EFHD1: variants seen among roughly 807,000 people sequenced by gnomAD.
EFHD1 encodes EF-hand domain family member D1.
In EFHD1, 10 loss-of-function variants were observed where a neutral mutation model predicts 17.2. The ratio of observed to expected loss-of-function variants is 0.58; its 90% CI spans 0.36 to 0.99. The LOEUF is 0.99. EFHD1 is among the 50% of genes least tolerant of loss of function. EFHD1 has a pLI of 0.01. For missense variants in EFHD1, 310 were observed against 327.5 expected (o/e 0.95, Z 0.41); for synonymous variants, 153 against 142.0 (o/e 1.08, Z -0.55).
chr2:232,662,745 T>C lies in EFHD1; in HGVS notation c.303-57T>C, dbSNP rs903385698. Reference sequence around the variant, plus strand: ...TGAATGAAGCCAAAGGAATTACATGTTTCGGAGACTAACGAGTGTCCTTTC... The same window carrying C: ...TGAATGAAGCCAAAGGAATTACATGCTTCGGAGACTAACGAGTGTCCTTTC... On this transcript the variant is annotated intron_variant, in intron 1 of 3. Coordinates refer to ENST00000264059, the MANE Select transcript of EFHD1 (RefSeq NM_025202.4). 6.9e-5 allele frequency: 106 copies of C among 1,546,630 alleles called. 1 individual carries two copies. In the East Asian group the frequency reaches 2.6e-3, roughly 38 times the overall value.
upstream of EFHD1, among the ~76,000 whole-genome samples, chr2:232,632,845 C>T (rs1409434954): frequency 4.6e-5 from 7 of 152,190 alleles, no homozygotes; most frequent in Admixed American, 3.3e-4. Flanking sequence ...AGTCTGGTCT[C>T]GAACTCCTGG....
chr2:232,670,404 G>A (rs1695044870), intron 2 of EFHD1, among the ~76,000 whole-genome samples: 1 of 152,000 alleles, frequency 6.6e-6, no homozygotes, highest in Non-Finnish European at 1.5e-5. Flanking sequence ...TCGAGCCATT[G>A]CACTCCAGCC....
At chr2:232,670,907 AGAAAAGTACAAGTT>A (rs1254442519) in intron 2 of EFHD1, among the ~76,000 whole-genome samples, 4 of 152,230 alleles carry the variant, frequency 2.6e-5, no homozygotes, top group Non-Finnish European at 5.9e-5. Flanking sequence ...GAGACACACA[AGAAAAGTACAAGTT>A]GTTAAAAAAC....
intron 1 of EFHD1, among the ~76,000 whole-genome samples, chr2:232,622,886 ATC>A (rs948049664): frequency 6.6e-6 from 1 of 152,170 alleles, no homozygotes; most frequent in African/African-American, 2.4e-5. Context: ...AATGTAAAAT[ATC>A]TCATTAATAG....
chr2:232,652,164 G>A (rs867811790), intron 1 of EFHD1, among the ~76,000 whole-genome samples: 31 of 152,334 alleles, frequency 2.0e-4, no homozygotes, highest in Middle Eastern at 3.4e-3. Context: ...TGTCTGCAAG[G>A]CGGCAACATC....
chr2:232,623,859 T>C (rs1303254660), intron 1 of EFHD1, among the ~76,000 whole-genome samples: 2 of 152,158 alleles, frequency 1.3e-5, no homozygotes, highest in East Asian at 1.9e-4. Context: ...CATTGCCTCC[T>C]GGCCCCCCAG....
At chr2:232,678,914 T>C (rs2106221432) in intron 3 of EFHD1, among the ~76,000 whole-genome samples, 1 of 152,338 alleles carries the variant, frequency 6.6e-6, no homozygotes, top group East Asian at 1.9e-4. Flanking sequence ...CTTGTGAAGA[T>C]AAAGTCAAGT....
chr2:232,648,196 C>A (rs1038784259), intron 1 of EFHD1, among the ~76,000 whole-genome samples: 1 of 152,158 alleles, frequency 6.6e-6, no homozygotes, highest in Non-Finnish European at 1.5e-5. Flanking sequence ...GAGCTAGTAT[C>A]ACACTCACTG....
At chr2:232,644,438 G>A (rs1432369752) in intron 1 of EFHD1, among the ~76,000 whole-genome samples, 1 of 152,014 alleles carries the variant, frequency 6.6e-6, no homozygotes, top group Non-Finnish European at 1.5e-5. Context: ...CTGTTGGCTT[G>A]GAGGCCTTTG....
chr2:232,634,738 G>T (rs1289569520), intron 1 of EFHD1, among the ~76,000 whole-genome samples: 1 of 152,242 alleles, frequency 6.6e-6, no homozygotes, highest in Non-Finnish European at 1.5e-5. Flanking sequence ...CCACCTCGTC[G>T]CCTGGAACCT....
intron 1 of EFHD1, among the ~76,000 whole-genome samples, chr2:232,653,954 C>G (rs1356386219): frequency 6.6e-6 from 1 of 152,086 alleles, no homozygotes; most frequent in Non-Finnish European, 1.5e-5. Flanking sequence ...GGCCTGTAAT[C>G]CCAGCACTTT....
intron 1 of EFHD1, among the ~76,000 whole-genome samples, chr2:232,660,497 G>A (rs115796582): frequency 0.016 from 2,388 of 151,970 alleles, 71 homozygotes; most frequent in African/African-American, 0.055. Flanking sequence ...ACTGCGCCAG[G>A]CCTCTTTATT....
At chr2:232,638,273 C>T (rs1233030793) in intron 1 of EFHD1, 17 of 459,278 alleles carry the variant, frequency 3.7e-5, no homozygotes, top group East Asian at 7.0e-5. Flanking sequence ...CACTTAAAGG[C>T]AGGACCCCAA....
At position 232,681,912 on chromosome 2, in the gene EFHD1, C is replaced by A; in HGVS notation, c.*193C>A. 1.3e-6 allele frequency: 1 copy of A among 754,528 alleles called. No individual in the cohort carries two copies. Among genetic ancestry groups the A allele is most frequent in the Non-Finnish European group, 2.0e-6 (1 of 497,028 alleles). The allele number at this position is 754,528 out of a possible 1,614,324, so 46.7% of individuals were successfully genotyped here. The stretch of plus-strand genomic sequence containing the variant: ...CCTCCAGGAGGGTCCTGGGGTGGGC[C>A]AGATGCCTGCCCACCTCTGTCTCCT... On this transcript the variant is annotated 3_prime_UTR_variant, in exon 4 of 4. Transcript: ENST00000264059.
intron 1 of EFHD1, among the ~76,000 whole-genome samples, chr2:232,657,557 C>A (rs1479582484): frequency 6.6e-6 from 1 of 152,118 alleles, no homozygotes; most frequent in Non-Finnish European, 1.5e-5. Context: ...CGCCTGTAAT[C>A]CCTGCATTTT....
chr2:232,644,524 T>A (rs6710991), intron 1 of EFHD1, among the ~76,000 whole-genome samples: 7,150 of 151,718 alleles, frequency 0.047, 305 homozygotes, highest in Non-Finnish European at 0.062. Flanking sequence ...TTTTTTTTTT[T>A]ATTTTTGAGA....
At chr2:232,676,786 G>GTT (rs1419459497) in intron 3 of EFHD1, among the ~76,000 whole-genome samples, 1 of 152,142 alleles carries the variant, frequency 6.6e-6, no homozygotes, top group Non-Finnish European at 1.5e-5. Context: ...GGAGAAGAAG[G>GTT]TGTAATCAGA....
intron 1 of EFHD1, chr2:232,606,496 T>A (rs1250993338): frequency 2.2e-6 from 1 of 452,094 alleles, no homozygotes; most frequent in East Asian, 3.9e-5. Flanking sequence ...TTTCTTTTTT[T>A]ACTCACCGCC....
At chr2:232,654,811 GA>G (rs1345885727) in intron 1 of EFHD1, among the ~76,000 whole-genome samples, 1 of 152,166 alleles carries the variant, frequency 6.6e-6, no homozygotes, top group African/African-American at 2.4e-5. Flanking sequence ...GTGTCTGCGG[GA>G]GGCTGCGCTA....
Sources: gnomAD v4.1 joint callset for allele counts (sites outside exome capture counted in the v4.1 genomes callset) on GRCh38, gnomAD v4.1.1 for gene constraint, MANE v1.5 for transcripts, NCBI Gene and HGNC (gene_info 2026-07-23, HGNC 2026-07-21) for gene names.